MYO3A: variants seen among roughly 807,000 people sequenced by gnomAD.
The protein encoded by MYO3A is myosin IIIA.
MYO3A carries 180 observed loss-of-function variants against 192.7 expected under a neutral mutation model. The ratio of observed to expected loss-of-function variants is 0.93; its 90% confidence interval spans 0.83 to 1.06. MYO3A has a LOEUF of 1.06. MYO3A is among the 50% of genes least tolerant of loss of function. The pLI is 0.00. For missense variants in MYO3A, 1,896 were observed against 1,905.0 expected (o/e 1.00, Z 0.09); for synonymous variants, 628 against 645.3 (o/e 0.97, Z 0.41).
intron 14 of MYO3A, among the ~76,000 whole-genome samples, chr10:26,081,836 A>G (rs576237613): frequency 5.3e-5 from 8 of 152,120 alleles, no homozygotes; most frequent in Non-Finnish European, 1.0e-4. Context: ...TCACCTTCTC[A>G]GCTTCTCCAG....
chr10:26,202,764 A>C, intron 33 of MYO3A, 200 bp from the exon 34 acceptor site: 1 of 547,092 alleles, frequency 1.8e-6, no homozygotes, highest in East Asian at 3.5e-5. Context: ...TGTTCTGTTC[A>C]AGGTAAGATA....
At chr10:26,124,734 G>A (rs929191658) in intron 18 of MYO3A, among the ~76,000 whole-genome samples, 3 of 152,196 alleles carry the variant, frequency 2.0e-5, no homozygotes, top group East Asian at 1.9e-4. Context: ...TTTTGTTCAC[G>A]GAATTAAAGT....
In MYO3A at chr10:26,176,862, TTA is replaced by T; in HGVS notation, c.4438+18_4438+19del. 1 of 1,612,780 alleles carries T rather than the reference TTA, an allele frequency of 6.2e-7. No individual in the cohort carries two copies. ...GCCTCTCAGGTAAAAATCAGTAGAG[TTA>T]GAACTTCCTGAATGGGAAGGAAATG... On this transcript the variant is annotated intron_variant, in intron 31 of 34. Transcript: ENST00000642920.
chr10:26,059,110 T>C (rs1834309005), intron 10 of MYO3A, among the ~76,000 whole-genome samples: 1 of 152,202 alleles, frequency 6.6e-6, no homozygotes. Flanking sequence ...ATTTTCAACA[T>C]AAACAATTAT....
At chr10:26,027,338 T>C (rs1842600987) in intron 10 of MYO3A, among the ~76,000 whole-genome samples, 1 of 123,066 alleles carries the variant, frequency 8.1e-6, no homozygotes, top group South Asian at 2.9e-4. Context: ...CTTCTTCTTG[T>C]TGGATATACT....
chr10:25,965,521 G>T (rs920767632), intron 4 of MYO3A, among the ~76,000 whole-genome samples: 1 of 152,070 alleles, frequency 6.6e-6, no homozygotes, highest in Non-Finnish European at 1.5e-5. Flanking sequence ...CGTGATGCCA[G>T]CACTCCCTTG....
chr10:26,143,382 AT>A (rs1265528796), intron 20 of MYO3A, 65 bp from the exon 21 acceptor site: 38 of 1,492,666 alleles, frequency 2.5e-5, no homozygotes, highest in African/African-American at 5.6e-5. Flanking sequence ...GCAAAGTAAA[AT>A]TTTAGGTAAT....
chr10:26,130,448 A>G (rs1839465249), intron 20 of MYO3A, among the ~76,000 whole-genome samples: 2 of 152,198 alleles, frequency 1.3e-5, no homozygotes, highest in Non-Finnish European at 1.5e-5. Flanking sequence ...AATTTCATTC[A>G]TGATCCCAAT....
At chr10:26,075,039 C>A (rs1256383146) in intron 14 of MYO3A, among the ~76,000 whole-genome samples, 1 of 152,020 alleles carries the variant, frequency 6.6e-6, no homozygotes, top group Non-Finnish European at 1.5e-5. Flanking sequence ...TGTCAAAAAT[C>A]AGTTGACCGT....
intron 26 of MYO3A, among the ~76,000 whole-genome samples, chr10:26,159,208 T>C (rs1841341003): frequency 6.6e-6 from 1 of 151,014 alleles, no homozygotes; most frequent in African/African-American, 2.4e-5. Context: ...GCCAGGATGG[T>C]CTCCATCTCC....
At chr10:26,098,099 G>A (rs1396888333) in intron 17 of MYO3A, among the ~76,000 whole-genome samples, 2 of 152,056 alleles carry the variant, frequency 1.3e-5, no homozygotes, top group Non-Finnish European at 2.9e-5. Flanking sequence ...ACTTTTTAAT[G>A]ATCACCATTC....
chr10:26,145,347 T>C, intron 21 of MYO3A, 99 bp from the exon 22 acceptor site: 1 of 795,888 alleles, frequency 1.3e-6, no homozygotes, highest in Non-Finnish European at 2.2e-6. Context: ...AAATTTTCTT[T>C]GTTCACTGCA....
intron 10 of MYO3A, among the ~76,000 whole-genome samples, chr10:26,060,603 A>G (rs572439764): frequency 6.6e-6 from 1 of 152,316 alleles, no homozygotes; most frequent in South Asian, 2.1e-4. Context: ...AATATATGGC[A>G]CTTGGCATGT....
chr10:26,096,543 A>G (rs908941929), intron 16 of MYO3A, 25 bp from the exon 17 acceptor site: 2 of 1,595,086 alleles, frequency 1.3e-6, no homozygotes, highest in African/African-American at 2.7e-5. Flanking sequence ...TTAGACTTTT[A>G]TCCTTCCTTT....
intron 34 of MYO3A, 62 bp from the exon 35 acceptor site, chr10:26,211,781 A>C (rs1844227020): frequency 1.2e-6 from 2 of 1,607,482 alleles, no homozygotes; most frequent in Admixed American, 3.4e-5. Flanking sequence ...AACTCGGGGT[A>C]GGTGGGGACG....
chr10:26,171,093 C>T (rs1190338295), intron 29 of MYO3A, among the ~76,000 whole-genome samples: 1 of 152,114 alleles, frequency 6.6e-6, no homozygotes, highest in East Asian at 1.9e-4. Flanking sequence ...ACAAACACAT[C>T]CCTCTTGTAA....
rs1433861417 is a variant in MYO3A, at chr10:26,145,524, A to T, written c.2495A>T (p.Tyr832Phe). 2.5e-6 allele frequency: 4 copies of T among 1,597,196 alleles called. No homozygotes were observed. Among genetic ancestry groups the T allele is most frequent in the Non-Finnish European group, 3.4e-6 (4 of 1,164,632 alleles). The change falls in exon 22 of 35, where the codon TAT becomes TTT. Residue 832 changes from tyrosine to phenylalanine, a missense_variant. By Grantham distance (22) the Tyr-to-Phe change is conservative. Coordinates refer to ENST00000642920, the MANE Select transcript of MYO3A (RefSeq NM_017433.5). ...RMELSFGIHH[Y>F]AGKVLYNASG... is the part of the protein sequence containing the mutation. ...GAACTTAGTTTTGGAATTCACCATT[A>T]TGCAGGAAAGGTAAGAACTCTAAAG...
chr10:26,113,369 C>G lies in MYO3A; in HGVS notation c.1777-7307C>G, dbSNP rs547459885. 2.0e-5 allele frequency among the ~76,000 whole-genome samples: 3 copies of G among 151,832 alleles called. No individual in the cohort carries two copies. The South Asian group carries it at 6.2e-4, about 32-fold the overall frequency. On this transcript the variant is annotated intron_variant, in intron 17 of 34. Transcript: ENST00000642920. ...CCTATAATCCCAGCTACTCAGGAGG[C>G]TGAGGCAGGAAAATTGCTTGAACGC... is the stretch of plus-strand genomic sequence containing the variant.
chr10:26,157,415 A>G lies in MYO3A; in HGVS notation c.2899A>G (p.Lys967Glu). ...ERQARKYDKE[K>E]VLLQLRYTGI... Reference sequence around the variant, plus strand: ...TCAGGCAAGAAAATATGACAAAGAGAAAGTTCTGCTACAGCTTCGGTACAC... The same window carrying G: ...TCAGGCAAGAAAATATGACAAAGAGGAAGTTCTGCTACAGCTTCGGTACAC... Residue 967 changes from lysine (K) to glutamate (E), a missense_variant, in exon 26 of 35, where the codon AAA becomes GAA. Transcript: ENST00000642920. The G allele has an allele frequency of 6.2e-7, 1 of 1,614,200 alleles. No homozygotes were observed. The highest frequency in any genetic ancestry group is 8.5e-7 in the Non-Finnish European group (1 of 1,180,008).
Sources: allele counts gnomAD v4.1 joint callset (sites outside exome capture counted in the v4.1 genomes callset), GRCh38; gene constraint gnomAD v4.1.1; transcripts MANE v1.5; gene names NCBI Gene and HGNC (gene_info 2026-07-23, HGNC 2026-07-21).